The following RAD54L2 variants were observed in gnomAD, a reference collection of about 807,000 sequenced individuals.
The protein encoded by RAD54L2 is helicase ARIP4.
In RAD54L2, 27 loss-of-function variants were observed where a neutral mutation model predicts 138.4. The ratio of observed to expected loss-of-function variants is 0.20; its 90% CI spans 0.14 to 0.27. The LOEUF is 0.27. Among genes scored for constraint, RAD54L2 ranks in the 10% least tolerant of loss-of-function variants. The pLI is 1.00. For synonymous variants in RAD54L2, 644 were observed against 723.2 expected, an observed-to-expected ratio of 0.89 and a Z score of 1.76; for missense variants, 1,396 against 1,890.2, an observed-to-expected ratio of 0.74 and a Z score of 4.85.
At position 51,630,721 on chromosome 3, in the gene RAD54L2, C is replaced by T; in HGVS notation, c.615C>T (p.Ser205=). The T allele has an allele frequency of 6.2e-7, 1 of 1,613,832 alleles. No homozygotes were observed. The highest frequency in any genetic ancestry group is 1.1e-5 in the South Asian group (1 of 91,050). The change falls in exon 7 of 23, where the codon AGC becomes AGT. Residue 205 remains serine, a synonymous_variant. Transcript: ENST00000684192. ...CTGTCTCAGAGGTGATTGAACTGAG[C>T]TCTGGAGAGGAGGACACTCTGCACA... The part of the protein sequence containing the change: ...KSSRDEVIEL[S]SGEEDTLHIV...
chr3:51,627,202 G>A (rs1226686725), intron 3 of RAD54L2, among the ~76,000 whole-genome samples: 1 of 152,154 alleles, frequency 6.6e-6, no homozygotes, highest in Non-Finnish European at 1.5e-5. Context: ...TTGGAGCCTA[G>A]CTGCTCAGTT....
chr3:51,585,100 T>C (rs1374085867), intron 2 of RAD54L2, among the ~76,000 whole-genome samples: 2 of 152,110 alleles, frequency 1.3e-5, no homozygotes, highest in African/African-American at 4.8e-5. Context: ...AGTGAGCCAC[T>C]ATGCCTGGCC....
chr3:51,655,833 C>G, intron 19 of RAD54L2, 138 bp from the exon 20 acceptor site: 1 of 692,142 alleles, frequency 1.4e-6, no homozygotes, highest in Non-Finnish European at 2.4e-6. Context: ...TTGACCAGAC[C>G]CTGCAGATTC....
At chr3:51,599,832 A>G (rs1003102541) in intron 3 of RAD54L2, among the ~76,000 whole-genome samples, 3 of 151,924 alleles carry the variant, frequency 2.0e-5, no homozygotes, top group Admixed American at 2.0e-4. Context: ...TGACCGGGCT[A>G]GTCTCAAACT....
intron 3 of RAD54L2, among the ~76,000 whole-genome samples, chr3:51,617,271 A>G (rs766222677): frequency 6.6e-6 from 1 of 152,158 alleles, no homozygotes; most frequent in Non-Finnish European, 1.5e-5. Context: ...TATATAATAG[A>G]TGTGTTTAAC....
At chr3:51,572,639 A>G (rs1222734786) in intron 2 of RAD54L2, among the ~76,000 whole-genome samples, 1 of 149,386 alleles carries the variant, frequency 6.7e-6, no homozygotes, top group Admixed American at 6.7e-5. Flanking sequence ...GGTGCTATAA[A>G]TCTTTTTTTT....
At position 51,666,174 on chromosome 3, in the gene RAD54L2, CTTTTTTTT is replaced by C. The variant is rs1169939947; in HGVS notation, c.*2782_*2789del. On this transcript the variant is annotated 3_prime_UTR_variant, in exon 23 of 23. Coordinates refer to ENST00000684192, the MANE Select transcript of RAD54L2 (RefSeq NM_015106.4). ...AGTGCTACCAGGTCCATGGTTTTTG[CTTTTTTTT>C]TTTTTTTTTTTTTTTTTTTTTTTTT... 16 of 58,712 alleles carry C rather than the reference CTTTTTTTT, an allele frequency of 2.7e-4. No individual in the cohort carries two copies. The highest frequency in any genetic ancestry group is 6.6e-4 in the South Asian group (1 of 1,512). The allele number at this position is 58,712 out of a possible 1,614,324, so 3.6% of individuals were successfully genotyped here.
Position 51,664,208 on chromosome 3 carries a change from A to G in RAD54L2, c.*788A>G, listed in dbSNP as rs1701865279. The G allele has an allele frequency of 6.6e-6, 1 of 152,182 alleles. No homozygotes were observed. The allele number at this position is 152,182 out of a possible 1,614,324, so 9.4% of individuals were successfully genotyped here. A position where few individuals can be genotyped will look rare whatever the true frequency, so the allele number is the denominator to read the frequency against. On this transcript the variant is annotated 3_prime_UTR_variant, in exon 23 of 23. Coordinates refer to ENST00000684192, the MANE Select transcript of RAD54L2 (RefSeq NM_015106.4). The stretch of plus-strand genomic sequence containing the variant: ...ACTCAAGTCCCTGGTATTCAGAGCC[A>G]CATTTGTGTGAGAATTTGGGGAAAT...
chr3:51,590,176 A>G (rs1699809642), intron 2 of RAD54L2, among the ~76,000 whole-genome samples, 191 bp from the exon 3 acceptor site: 3 of 152,096 alleles, frequency 2.0e-5, no homozygotes, highest in Admixed American at 2.0e-4. Flanking sequence ...TTTTTAGTAG[A>G]GATGGGTTTT....
chr3:51,571,314 A>G (rs2106663758), intron 2 of RAD54L2, among the ~76,000 whole-genome samples: 1 of 149,526 alleles, frequency 6.7e-6, no homozygotes, highest in Non-Finnish European at 1.5e-5. Context: ...AGGTCCTTGT[A>G]TGAATTATTT....
At position 51,645,913 on chromosome 3, in the gene RAD54L2, C is replaced by G; in HGVS notation, c.2829+150C>G. 1 of 867,932 alleles carries G rather than the reference C, an allele frequency of 1.2e-6. No individual in the cohort carries two copies. The allele number at this position is 867,932 out of a possible 1,614,324, so 53.8% of individuals were successfully genotyped here. ...CTTTTTCTTGCCCCACTCAGTCCCC[C>G]TCCCTTCCCACAACCACTTACCCCG... On this transcript the variant is annotated intron_variant, in intron 18 of 22. Coordinates refer to ENST00000684192, the MANE Select transcript of RAD54L2 (RefSeq NM_015106.4). The surrounding 1 kb of genome is among the most constrained non-coding windows in gnomAD (Gnocchi z 6.1).
intron 2 of RAD54L2, among the ~76,000 whole-genome samples, chr3:51,570,466 T>G (rs1206398342): frequency 6.8e-6 from 1 of 146,748 alleles, no homozygotes; most frequent in Non-Finnish European, 1.5e-5. Context: ...TTATTTTTAT[T>G]TATTTATTTT....
chr3:51,631,014 C>T, intron 7 of RAD54L2, 83 bp downstream of exon 7: 2 of 1,362,778 alleles, frequency 1.5e-6, no homozygotes, highest in Non-Finnish European at 1.0e-6. Context: ...ATTAGCGTCA[C>T]AGCCTGTGAA....
At chr3:51,557,038 G>A (rs547094116) in intron 2 of RAD54L2, among the ~76,000 whole-genome samples, 1 of 152,166 alleles carries the variant, frequency 6.6e-6, no homozygotes, top group South Asian at 2.1e-4. Flanking sequence ...TTGCTGGGAG[G>A]GATGTTGCAC....
intron 2 of RAD54L2, among the ~76,000 whole-genome samples, chr3:51,567,631 G>A (rs1699246398): frequency 6.6e-6 from 1 of 152,158 alleles, no homozygotes; most frequent in South Asian, 2.1e-4. Context: ...TTTGTAAAAC[G>A]ACAGGGGTCC....
At chr3:51,605,935 T>A (rs1311505321) in intron 3 of RAD54L2, among the ~76,000 whole-genome samples, 1 of 152,144 alleles carries the variant, frequency 6.6e-6, no homozygotes, top group African/African-American at 2.4e-5. Flanking sequence ...TCTGGAGGAA[T>A]AACCATTAAA....
chr3:51,562,336 A>G (rs1699118769), intron 2 of RAD54L2, among the ~76,000 whole-genome samples: 2 of 152,100 alleles, frequency 1.3e-5, no homozygotes, highest in South Asian at 2.1e-4. Context: ...GGTTCAAGCA[A>G]TTCTCCCGCC....
At chr3:51,632,362 C>T (rs1459025135) in intron 7 of RAD54L2, among the ~76,000 whole-genome samples, 1 of 152,050 alleles carries the variant, frequency 6.6e-6, no homozygotes, top group East Asian at 2.0e-4. Context: ...GGCACAATCT[C>T]GGCTCACTCC....
At chr3:51,611,981 G>A (rs9838942) in intron 3 of RAD54L2, among the ~76,000 whole-genome samples, 5,824 of 152,176 alleles carry the variant, frequency 0.038, 394 homozygotes, top group African/African-American at 0.13. Context: ...TGATGGCTAC[G>A]TATAAGATTG....
Sources: allele counts gnomAD v4.1 joint callset (sites outside exome capture counted in the v4.1 genomes callset), GRCh38; gene constraint gnomAD v4.1.1; non-coding constraint Gnocchi (gnomAD v3.1); transcripts MANE v1.5; gene names NCBI Gene and HGNC (gene_info 2026-07-23, HGNC 2026-07-21).